The following GNAT3 variants were observed in gnomAD, a reference collection of about 807,000 sequenced individuals.
The protein encoded by GNAT3 is G protein subunit alpha transducin 3, also known as guanine nucleotide-binding protein G(t) subunit alpha-3.
In GNAT3, 31 loss-of-function variants were observed where a neutral mutation model predicts 37.7. That is an observed-to-expected ratio of 0.82 (90% CI 0.62 to 1.11). The LOEUF is 1.11. Ranked by LOEUF, GNAT3 falls within the 50% of genes most tolerant of loss-of-function variation. The pLI is 0.00. For synonymous variants in GNAT3, 138 were observed against 139.8 expected (o/e 0.99, Z 0.09); for missense variants, 437 against 412.5 (o/e 1.06, Z -0.51).
Position 80,507,170 on chromosome 7 carries a change from G to GTT in GNAT3, c.118+4637_118+4638dup, listed in dbSNP as rs371008709. On this transcript the variant is annotated intron_variant, in intron 1 of 7. Transcript: ENST00000398291. ...AATATATAATTATTCCAAAGAATGT[G>GTT]TTTATCTGATCTTATCCATGGACAG... 1.3e-3 allele frequency among the ~76,000 whole-genome samples: 205 copies of GTT among 151,988 alleles called. 3 individuals are homozygous for GTT. The East Asian group carries it at 0.036, about 27-fold the overall frequency.
Position 80,488,511 on chromosome 7 carries a change from A to C in GNAT3, c.303+24T>G, listed in dbSNP as rs374015951. 5.0e-6 allele frequency: 8 copies of C among 1,586,890 alleles called. No individual in the cohort carries two copies. The Admixed American group carries it at 1.4e-4, about 27-fold the overall frequency. The stretch of plus-strand genomic sequence containing the variant: ...GCTCAAACTCTATTGCAGGACATAC[A>C]GCTGTCATTATTTGCATACTTACTG... On this transcript the variant is annotated intron_variant, in intron 3 of 7. Transcript: ENST00000398291.
chr7:80,496,364 C>G (rs1790716106), intron 1 of GNAT3, among the ~76,000 whole-genome samples: 1 of 152,154 alleles, frequency 6.6e-6, no homozygotes, highest in African/African-American at 2.4e-5. Context: ...CTCTTGGCCT[C>G]AAGTGATCTG....
intron 7 of GNAT3, among the ~76,000 whole-genome samples, chr7:80,459,203 A>C (rs1790007645): frequency 6.6e-6 from 1 of 152,170 alleles, no homozygotes; most frequent in Non-Finnish European, 1.5e-5. Context: ...AAAAGAGAAA[A>C]AGAATGGAAA....
chr7:80,474,406 A>G, intron 4 of GNAT3, 27 bp from the exon 5 acceptor site: 1 of 1,137,686 alleles, frequency 8.8e-7, no homozygotes, highest in Non-Finnish European at 1.3e-6. Context: ...AAAATTATAT[A>G]TGTGTATATA....
At chr7:80,491,781 GA>G (rs1276102986) in intron 2 of GNAT3, among the ~76,000 whole-genome samples, 1 of 152,114 alleles carries the variant, frequency 6.6e-6, no homozygotes, top group Admixed American at 6.6e-5. Flanking sequence ...GCTGAAAGTG[GA>G]AAGTAAAGAG....
At chr7:80,480,860 C>T (rs1214970924) in intron 3 of GNAT3, among the ~76,000 whole-genome samples, 1 of 152,016 alleles carries the variant, frequency 6.6e-6, no homozygotes, top group Non-Finnish European at 1.5e-5. Context: ...TGCCGACCTC[C>T]TTATCTCACC....
chr7:80,467,780 T>C (rs1381695829), intron 5 of GNAT3, among the ~76,000 whole-genome samples: 1 of 151,916 alleles, frequency 6.6e-6, no homozygotes, highest in African/African-American at 2.4e-5. Flanking sequence ...TGCCCGGAGT[T>C]TTGGATTGGT....
chr7:80,485,418 C>T (rs1338522456), intron 3 of GNAT3, among the ~76,000 whole-genome samples: 1 of 152,100 alleles, frequency 6.6e-6, no homozygotes, highest in African/African-American at 2.4e-5. Context: ...CATTCCAAAA[C>T]CAAACTAATT....
At chr7:80,477,728 C>A (rs568833810) in intron 4 of GNAT3, among the ~76,000 whole-genome samples, 1 of 152,014 alleles carries the variant, frequency 6.6e-6, no homozygotes, top group African/African-American at 2.4e-5. Context: ...TTTAATTAAA[C>A]GATGCTAGCA....
intron 3 of GNAT3, among the ~76,000 whole-genome samples, chr7:80,486,095 T>A (rs1790473528): frequency 6.6e-6 from 1 of 152,198 alleles, no homozygotes; most frequent in Admixed American, 6.5e-5. Flanking sequence ...TGTTTAGCAA[T>A]CAATCTGTTA....
At chr7:80,476,821 CT>C (rs1790311675) in intron 4 of GNAT3, among the ~76,000 whole-genome samples, 1 of 151,762 alleles carries the variant, frequency 6.6e-6, no homozygotes, top group East Asian at 1.9e-4. Context: ...AACTACCTTT[CT>C]CAGCAAGCTT....
chr7:80,473,799 TATC>T (rs966020908), intron 5 of GNAT3, among the ~76,000 whole-genome samples: 7 of 152,158 alleles, frequency 4.6e-5, no homozygotes, highest in African/African-American at 1.7e-4. Context: ...CAGTAAATAG[TATC>T]ATATTCAAAT....
intron 1 of GNAT3, among the ~76,000 whole-genome samples, chr7:80,501,641 A>G (rs1317133251): frequency 6.6e-6 from 1 of 151,878 alleles, no homozygotes; most frequent in Admixed American, 6.6e-5. Context: ...CTTTTAATTT[A>G]TAACATTTTC....
At chr7:80,497,558 A>G (rs145404009) in intron 1 of GNAT3, among the ~76,000 whole-genome samples, 64 of 136,418 alleles carry the variant, frequency 4.7e-4, no homozygotes, top group African/African-American at 1.7e-3. Context: ...ATACGTATAT[A>G]CATATACGTA....
chr7:80,497,623 TATATACATATAC>T (rs1790752845), intron 1 of GNAT3, among the ~76,000 whole-genome samples: 1 of 115,346 alleles, frequency 8.7e-6, no homozygotes, highest in Non-Finnish European at 1.7e-5. Flanking sequence ...TACATATACG[TATATACATATAC>T]GTATATACAT....
At chr7:80,485,154 G>T (rs1243861296) in intron 3 of GNAT3, among the ~76,000 whole-genome samples, 1 of 138,648 alleles carries the variant, frequency 7.2e-6, no homozygotes, top group African/African-American at 2.6e-5. Context: ...TAACAAATGA[G>T]CAGAAAATAT....
intron 5 of GNAT3, among the ~76,000 whole-genome samples, chr7:80,472,439 C>T (rs1025576148): frequency 6.6e-6 from 1 of 152,084 alleles, no homozygotes; most frequent in African/African-American, 2.4e-5. Context: ...GTTATGCCTC[C>T]ATGAGGATAT....
chr7:80,502,566 A>G (rs1045188880), intron 1 of GNAT3, among the ~76,000 whole-genome samples: 8 of 152,236 alleles, frequency 5.3e-5, no homozygotes, highest in Non-Finnish European at 1.0e-4. Flanking sequence ...TGGTTTGCCT[A>G]TACTGATATC....
chr7:80,473,789 C>A (rs192321090), intron 5 of GNAT3, among the ~76,000 whole-genome samples: 34 of 152,078 alleles, frequency 2.2e-4, no homozygotes, highest in African/African-American at 7.5e-4. Context: ...CTTGTTATTG[C>A]AGTAAATAGT....
Sources: gnomAD v4.1 joint callset for allele counts (sites outside exome capture counted in the v4.1 genomes callset) on GRCh38, gnomAD v4.1.1 for gene constraint, MANE v1.5 for transcripts, NCBI Gene and HGNC (gene_info 2026-07-23, HGNC 2026-07-21) for gene names.